The following MEIS1 variants were observed in gnomAD, a reference collection of about 807,000 sequenced individuals.
MEIS1 encodes Meis homeobox 1.
Under a neutral mutation model 50.8 loss-of-function variants are expected in MEIS1, and 5 were observed. The ratio of observed to expected loss-of-function variants is 0.10; its 90% CI spans 0.05 to 0.21. The LOEUF (loss-of-function observed/expected upper bound fraction) is 0.21, where lower values mean the gene tolerates loss of function less well. MEIS1 is among the 10% of genes least tolerant of loss of function. The pLI, the probability that MEIS1 is intolerant of heterozygous loss-of-function variation, is 1.00. For missense variants in MEIS1, 318 were observed against 517.3 expected (o/e 0.61, Z 3.74); for synonymous variants, 176 against 179.3 (o/e 0.98, Z 0.15).
At chr2:66,512,084 G>T (rs1030089758) in intron 7 of MEIS1, 65 bp from the exon 8 acceptor site, 29 of 1,453,278 alleles carry the variant, frequency 2.0e-5, no homozygotes, top group Admixed American at 1.0e-4. Context: ...ATATCCAAAG[G>T]CATTCTATTT....
chr2:66,501,999 G>A (rs1206970675), intron 7 of MEIS1, among the ~76,000 whole-genome samples: 1 of 151,998 alleles, frequency 6.6e-6, no homozygotes, highest in African/African-American at 2.4e-5. Context: ...AGTGATAGAA[G>A]CTTAATTGAA....
chr2:66,553,269 A>G (rs1188986372), intron 9 of MEIS1, among the ~76,000 whole-genome samples: 3 of 152,214 alleles, frequency 2.0e-5, no homozygotes, highest in African/African-American at 7.2e-5. Context: ...TAATTGATCA[A>G]TGGAGTAACA....
intron 7 of MEIS1, among the ~76,000 whole-genome samples, chr2:66,489,111 CA>C (rs985408317): frequency 2.3e-4 from 35 of 152,316 alleles, no homozygotes; most frequent in African/African-American, 8.2e-4. Flanking sequence ...AAGAGCCAGC[CA>C]GTAGCTGCTT....
At chr2:66,452,038 G>A (rs918578064) in intron 6 of MEIS1, among the ~76,000 whole-genome samples, 6 of 151,734 alleles carry the variant, frequency 4.0e-5, no homozygotes, top group African/African-American at 1.5e-4. Context: ...ATTTGAAATA[G>A]CAGCAAATAG....
At chr2:66,515,272 G>A (rs773344358) in intron 8 of MEIS1, among the ~76,000 whole-genome samples, 1 of 152,020 alleles carries the variant, frequency 6.6e-6, no homozygotes, top group Non-Finnish European at 1.5e-5. Flanking sequence ...CCTTTTAAAA[G>A]CAAATTGCTA....
intron 7 of MEIS1, among the ~76,000 whole-genome samples, chr2:66,473,395 A>AT (rs1198638463): frequency 7.2e-4 from 83 of 115,126 alleles, no homozygotes; most frequent in African/African-American, 2.0e-3. Context: ...AAAAAAAAAA[A>AT]AAATATATAT....
At chr2:66,483,363 C>G (rs543997196) in intron 7 of MEIS1, among the ~76,000 whole-genome samples, 13 of 152,036 alleles carry the variant, frequency 8.6e-5, no homozygotes, top group African/African-American at 3.1e-4. Context: ...CGTGAGCCAC[C>G]GCGCCCGGCT....
At chr2:66,456,352 G>C (rs770137653) in intron 6 of MEIS1, among the ~76,000 whole-genome samples, 1 of 152,176 alleles carries the variant, frequency 6.6e-6, no homozygotes, top group African/African-American at 2.4e-5. Context: ...CACTTATGCT[G>C]TGTATAAAAA....
chr2:66,442,759 G>T, intron 5 of MEIS1, 143 bp from the exon 6 acceptor site: 2 of 712,996 alleles, frequency 2.8e-6, no homozygotes. Flanking sequence ...TTCTGGATGC[G>T]TCTGGGGGTC....
At position 66,435,411 on chromosome 2, in the gene MEIS1, T is replaced by C; in HGVS notation, c.-446T>C. 4.0e-6 allele frequency: 1 copy of C among 252,894 alleles called. No individual in the cohort carries two copies. The highest frequency in any genetic ancestry group is 7.4e-6 in the Non-Finnish European group (1 of 135,080). The allele number at this position is 252,894 out of a possible 1,614,324, so 15.7% of individuals were successfully genotyped here. ...ATTTGAATATTAACATTTGAGGTGT[T>C]CTGACCAGAAGAAGACAGAGCGGAT... On this transcript the variant is annotated 5_prime_UTR_variant, in exon 1 of 13. Transcript: ENST00000272369.
chr2:66,473,395 A>ATAT (rs1198638463), intron 7 of MEIS1, among the ~76,000 whole-genome samples: 1 of 115,172 alleles, frequency 8.7e-6, no homozygotes, highest in African/African-American at 6.0e-5. Context: ...AAAAAAAAAA[A>ATAT]AAATATATAT....
intron 7 of MEIS1, among the ~76,000 whole-genome samples, chr2:66,468,612 C>G (rs1672695713): frequency 6.6e-6 from 1 of 152,160 alleles, no homozygotes; most frequent in Non-Finnish European, 1.5e-5. Flanking sequence ...CAGTCTGACT[C>G]TAGAGCCCAA....
chr2:66,441,765 G>T, intron 5 of MEIS1: 2 of 352,760 alleles, frequency 5.7e-6, no homozygotes, highest in Non-Finnish European at 1.0e-5. Flanking sequence ...GCTGCTCTGA[G>T]GTTGTTTCAC....
At chr2:66,446,468 A>T (rs992993430) in intron 6 of MEIS1, among the ~76,000 whole-genome samples, 16 of 152,058 alleles carry the variant, frequency 1.1e-4, no homozygotes, top group African/African-American at 3.9e-4. Flanking sequence ...GCCGGTAGCG[A>T]GCCGAGATTA....
intron 12 of MEIS1, 53 bp from the exon 13 acceptor site, chr2:66,571,193 A>AC: frequency 6.5e-7 from 1 of 1,531,902 alleles, no homozygotes. Context: ...GGACCACACT[A>AC]TTGCTTTTTC....
chr2:66,448,068 G>A (rs1303138163), intron 6 of MEIS1, among the ~76,000 whole-genome samples: 2 of 152,082 alleles, frequency 1.3e-5, no homozygotes, highest in African/African-American at 4.8e-5. Flanking sequence ...GTTTTATATA[G>A]CTATTGGTCC....
intron 6 of MEIS1, chr2:66,445,070 C>T (rs776740126): frequency 1.3e-5 from 2 of 152,160 alleles, no homozygotes; most frequent in African/African-American, 2.4e-5. Flanking sequence ...TACCCAATTC[C>T]CTTCAGATAT....
intron 6 of MEIS1, among the ~76,000 whole-genome samples, chr2:66,455,296 T>C (rs1672362890): frequency 6.6e-6 from 1 of 152,234 alleles, no homozygotes; most frequent in Non-Finnish European, 1.5e-5. Context: ...GTTGTAATTA[T>C]TCCTTTTCTT....
At chr2:66,506,126 C>G (rs1485501841) in intron 7 of MEIS1, among the ~76,000 whole-genome samples, 1 of 152,134 alleles carries the variant, frequency 6.6e-6, no homozygotes, top group Non-Finnish European at 1.5e-5. Flanking sequence ...TGACTTGGTT[C>G]CTGCCTTCTC....
Sources: gnomAD v4.1 joint callset for allele counts (sites outside exome capture counted in the v4.1 genomes callset) on GRCh38, gnomAD v4.1.1 for gene constraint, MANE v1.5 for transcripts, NCBI Gene and HGNC (gene_info 2026-07-23, HGNC 2026-07-21) for gene names.